GPR155: variants seen among roughly 807,000 people sequenced by gnomAD.
The protein encoded by GPR155 is G protein-coupled receptor 155, also known as lysosomal cholesterol signaling protein.
GPR155 carries 65 observed loss-of-function variants against 93.1 expected under a neutral mutation model. That is an observed-to-expected ratio of 0.70 (90% CI 0.57 to 0.86). The LOEUF is 0.86. Among genes scored for constraint, GPR155 ranks in the 40% least tolerant of loss-of-function variants. The pLI is 0.00. For missense variants in GPR155, 838 were observed against 1,034.8 expected, an observed-to-expected ratio of 0.81 and a Z score of 2.61; for synonymous variants, 319 against 360.1, an observed-to-expected ratio of 0.89 and a Z score of 1.29.
chr2:174,468,949 A>G lies in GPR155; in HGVS notation c.1145T>C (p.Val382Ala). ...PKPLAYAIQN[V>A]SFDISIVSLI... Reference sequence around the variant, plus strand: ...GCTGACAATACTTATATCAAAACTAACATTCTGGATGGCATATGCCAATGG... The same window carrying G: ...GCTGACAATACTTATATCAAAACTAGCATTCTGGATGGCATATGCCAATGG... Residue 382 changes from valine (V) to alanine (A), a missense_variant, in exon 5 of 16, where the codon GTT becomes GCT. Coordinates refer to ENST00000392552, the MANE Select transcript of GPR155 (RefSeq NM_152529.7). The G allele has an allele frequency of 6.2e-7, 1 of 1,614,000 alleles. No homozygotes were observed. Among genetic ancestry groups the G allele is most frequent in the Non-Finnish European group, 8.5e-7 (1 of 1,179,916 alleles).
At chr2:174,472,509 C>G (rs986691543) in intron 3 of GPR155, among the ~76,000 whole-genome samples, 2 of 152,170 alleles carry the variant, frequency 1.3e-5, no homozygotes, top group Non-Finnish European at 2.9e-5. Context: ...ATTGACTTGG[C>G]TGTATTTAGA....
chr2:174,453,129 C>G (rs1021423373), intron 11 of GPR155, among the ~76,000 whole-genome samples: 1 of 152,168 alleles, frequency 6.6e-6, no homozygotes, highest in Non-Finnish European at 1.5e-5. Flanking sequence ...CACCTCCCAC[C>G]AAAATGCCCT....
At chr2:174,471,924 TTTA>T (rs1002255023) in intron 3 of GPR155, among the ~76,000 whole-genome samples, 3 of 152,244 alleles carry the variant, frequency 2.0e-5, no homozygotes, top group Non-Finnish European at 4.4e-5. Flanking sequence ...TATATTCATT[TTTA>T]TTATTATGAA....
chr2:174,437,795 G>C (rs990997312), intron 15 of GPR155, among the ~76,000 whole-genome samples: 4 of 151,300 alleles, frequency 2.6e-5, no homozygotes, highest in African/African-American at 9.7e-5. Flanking sequence ...TGTTGGTCAG[G>C]CTGGTCTCGA....
chr2:174,468,520 C>T (rs890109647), intron 5 of GPR155, among the ~76,000 whole-genome samples: 1 of 152,170 alleles, frequency 6.6e-6, no homozygotes, highest in South Asian at 2.1e-4. Flanking sequence ...TATAGTGATT[C>T]ATCATTTGCA....
Position 174,431,590 on chromosome 2 carries a change from C to T in GPR155, c.*4526G>A, listed in dbSNP as rs1191893190. The T allele has an allele frequency of 6.6e-6, 1 of 152,126 alleles. No individual in the cohort carries two copies. Among genetic ancestry groups the T allele is most frequent in the Admixed American group, 6.5e-5 (1 of 15,268 alleles). 9.4% of individuals were successfully genotyped at this position (152,126 alleles called of 1,614,324 possible). A position where few individuals can be genotyped will look rare whatever the true frequency, so the allele number is the denominator to read the frequency against. ...TTTCTTTTTCATTAATTATTTCAAC[C>T]TTTTATCATACCAATTGCAGAAATT... On this transcript the variant is annotated 3_prime_UTR_variant, in exon 16 of 16. Transcript: ENST00000392552.
chr2:174,455,340 T>G (rs538064406), intron 10 of GPR155, among the ~76,000 whole-genome samples: 1 of 151,582 alleles, frequency 6.6e-6, no homozygotes, highest in African/African-American at 2.4e-5. Context: ...ACTGGGTAGC[T>G]CAGGCAGCTG....
rs984615090 is a variant in GPR155 at position 174,461,399 on chromosome 2, C to T, written c.1560+3G>A. On this transcript the variant is annotated splice_donor_region_variant and intron_variant, in intron 9 of 15. Transcript: ENST00000392552. ...AACAGAACTGCCAGTAAACTCTTCCCACCTGTTCTTTTCCATAAAAGAAGG... is the reference window on the plus strand; with the variant it reads ...AACAGAACTGCCAGTAAACTCTTCCTACCTGTTCTTTTCCATAAAAGAAGG... 6.3e-7 allele frequency: 1 copy of T among 1,595,910 alleles called. No individual in the cohort carries two copies.
At chr2:174,444,870 T>C (rs73022145) in intron 13 of GPR155, among the ~76,000 whole-genome samples, 10,763 of 152,208 alleles carry the variant, frequency 0.071, 1,225 homozygotes, top group African/African-American at 0.24. Context: ...GCGTACATTC[T>C]GATGACTTTA....
At chr2:174,447,431 T>C (rs1687169099) in intron 11 of GPR155, among the ~76,000 whole-genome samples, 3 of 146,392 alleles carry the variant, frequency 2.0e-5, no homozygotes, top group Non-Finnish European at 3.0e-5. Context: ...AAATAATATA[T>C]ACACATTACA....
rs1295084708 is a variant in GPR155 at position 174,436,397 on chromosome 2, C to T, written c.2332G>A (p.Ala778Thr). 2.5e-6 allele frequency: 4 copies of T among 1,614,070 alleles called. No homozygotes were observed. In the African/African-American group the frequency reaches 5.3e-5, roughly 22 times the overall value. Residue 778 changes from alanine to threonine, a missense_variant, in exon 16 of 16, where the codon GCT becomes ACT. Physicochemically the swap from Ala to Thr is moderately conservative, Grantham distance 58 (BLOSUM62 0). This residue lies in a region of GPR155 where 146 missense variants were observed against 177.5 expected (regional missense o/e 0.82). Coordinates refer to ENST00000392552, the MANE Select transcript of GPR155 (RefSeq NM_152529.7). ...KERRCGAKTS[A>T]GTFCGCDLVS... ...AGGTCACAGCCACAGAAAGTTCCAGCAGAAGTCTTTGCACCACACCTGTGT... is the reference window on the plus strand; with the variant it reads ...AGGTCACAGCCACAGAAAGTTCCAGTAGAAGTCTTTGCACCACACCTGTGT...
In GPR155 at chr2:174,460,414, G is replaced by A. The variant is rs533243324; in HGVS notation, c.1561-326C>T. 3.3e-5 allele frequency among the ~76,000 whole-genome samples: 5 copies of A among 151,860 alleles called. No individual in the cohort carries two copies. In the East Asian group the frequency reaches 5.8e-4, roughly 18 times the overall value. On this transcript the variant is annotated intron_variant, in intron 9 of 15. Transcript: ENST00000392552. Reference sequence around the variant, plus strand: ...TCTGATCTCGTGACCCACCCGCCTCGGCCTCCCAAACTGCTGGGATTACAG... The same window carrying A: ...TCTGATCTCGTGACCCACCCGCCTCAGCCTCCCAAACTGCTGGGATTACAG...
intron 11 of GPR155, among the ~76,000 whole-genome samples, chr2:174,451,955 C>T (rs1329476840): frequency 6.6e-6 from 1 of 152,014 alleles, no homozygotes; most frequent in Non-Finnish European, 1.5e-5. Flanking sequence ...AGGCGAGAAT[C>T]AACATTATTA....
chr2:174,462,895 A>G (rs16862583), intron 7 of GPR155, among the ~76,000 whole-genome samples: 7,343 of 152,214 alleles, frequency 0.048, 611 homozygotes, highest in African/African-American at 0.16. Context: ...GTTGAAAGGG[A>G]CCTCTATTTT....
At chr2:174,470,208 C>T (rs538657148) in intron 4 of GPR155, among the ~76,000 whole-genome samples, 182 bp downstream of exon 4, 21 of 152,082 alleles carry the variant, frequency 1.4e-4, no homozygotes, top group Non-Finnish European at 2.4e-4. Flanking sequence ...GCCTGTAATC[C>T]CAGCACTTTG....
intron 3 of GPR155, among the ~76,000 whole-genome samples, chr2:174,471,394 C>CA (rs1156941389): frequency 0.1 from 4,294 of 42,692 alleles, 207 homozygotes; most frequent in Non-Finnish European, 0.12. Context: ...GACTCTGTCT[C>CA]AAAAAAAAAA....
chr2:174,462,853 T>G (rs556487138), intron 7 of GPR155, among the ~76,000 whole-genome samples: 81 of 152,336 alleles, frequency 5.3e-4, no homozygotes, highest in Non-Finnish European at 1.1e-3. Flanking sequence ...TTTAATAAAT[T>G]CTACATAGTT....
chr2:174,445,019 C>G, intron 13 of GPR155, 62 bp downstream of exon 13: 3 of 806,104 alleles, frequency 3.7e-6, no homozygotes, highest in Non-Finnish European at 6.6e-6. Context: ...TTCCCCCGAC[C>G]CCCTACCAAT....
intron 11 of GPR155, among the ~76,000 whole-genome samples, chr2:174,447,999 C>T (rs1381623198): frequency 1.3e-5 from 2 of 151,936 alleles, no homozygotes; most frequent in African/African-American, 4.8e-5. Context: ...ATCTCTTAAC[C>T]TCTCATTAAA....
Sources: gnomAD v4.1 joint callset for allele counts (sites outside exome capture counted in the v4.1 genomes callset) on GRCh38, gnomAD v4.1.1 for gene constraint, gnomAD v4.1.1 regional missense constraint, MANE v1.5 for transcripts, NCBI Gene and HGNC (gene_info 2026-07-23, HGNC 2026-07-21) for gene names.